The following CTNNA1 variants were observed in gnomAD, a reference collection of about 807,000 sequenced individuals.
CTNNA1 encodes the protein catenin alpha-1.
Under a neutral mutation model 98.4 loss-of-function variants are expected in CTNNA1, and 37 were observed. The observed-to-expected ratio is 0.38, with a 90% CI of 0.29 to 0.49. CTNNA1 has a LOEUF of 0.49. Ranked by LOEUF, CTNNA1 falls within the 20% of genes least tolerant of loss-of-function variation. The pLI is 0.95. For missense variants in CTNNA1, 761 were observed against 1,147.2 expected, an observed-to-expected ratio of 0.66 and a Z score of 4.86; for synonymous variants, 404 against 413.2, an observed-to-expected ratio of 0.98 and a Z score of 0.27.
rs1306523540 is a variant in CTNNA1, at chr5:138,782,169, A to G, written c.105+140A>G. 1.0e-5 allele frequency: 8 copies of G among 792,778 alleles called. No individual in the cohort carries two copies. In the East Asian group the frequency reaches 2.2e-4, roughly 22 times the overall value. 49.1% of individuals were successfully genotyped at this position (792,778 alleles called of 1,614,324 possible). On this transcript the variant is annotated intron_variant, in intron 2 of 17. Coordinates refer to ENST00000302763, the MANE Select transcript of CTNNA1 (RefSeq NM_001903.5). ...AGGTGACAGTTCTTAGATGATTTGA[A>G]TATTGATGCATGGGTTTAGTTAACC...
Position 138,783,235 on chromosome 5 carries a change from C to G in CTNNA1, c.164C>G (p.Ser55Cys), listed in dbSNP as rs756329640. Residue 55 changes from serine (S) to cysteine (C), a missense_variant, in exon 3 of 18, where the codon TCT becomes TGT. By Grantham distance (112) the Ser-to-Cys change is moderately radical. Coordinates refer to ENST00000302763, the MANE Select transcript of CTNNA1 (RefSeq NM_001903.5). The part of the protein sequence containing the change: ...KGPSNKKRGR[S>C]KKAHVLAASV... ...CCCTCTAATAAGAAGAGAGGTCGTTCTAAGAAGGCCCATGTTTTGGCTGCA... is the reference window on the plus strand; with the variant it reads ...CCCTCTAATAAGAAGAGAGGTCGTTGTAAGAAGGCCCATGTTTTGGCTGCA... 3 of 1,613,934 alleles carry G rather than the reference C, an allele frequency of 1.9e-6. No homozygotes were observed. Among genetic ancestry groups the G allele is most frequent in the African/African-American group, 1.3e-5 (1 of 74,914 alleles).
intron 7 of CTNNA1, among the ~76,000 whole-genome samples, chr5:138,846,587 T>C (rs1306873332): frequency 6.6e-6 from 1 of 152,234 alleles, no homozygotes. Context: ...GGCCTGTGTC[T>C]GTTATTGCCA....
chr5:138,820,541 C>T (rs1212359787), intron 5 of CTNNA1, among the ~76,000 whole-genome samples: 2 of 151,986 alleles, frequency 1.3e-5, no homozygotes, highest in Non-Finnish European at 1.5e-5. Context: ...CTTACCTCCT[C>T]GAAGTAGGGA....
intron 7 of CTNNA1, among the ~76,000 whole-genome samples, chr5:138,856,077 A>G (rs761993458): frequency 6.6e-6 from 1 of 152,158 alleles, no homozygotes; most frequent in African/African-American, 2.4e-5. Context: ...AACCCTCAAG[A>G]TGTCATTTCT....
intron 9 of CTNNA1, among the ~76,000 whole-genome samples, chr5:138,899,693 A>G (rs1172778816): frequency 6.6e-6 from 1 of 152,060 alleles, no homozygotes; most frequent in Non-Finnish European, 1.5e-5. Context: ...AAAACCCCCC[A>G]CCACCCACCA....
intron 9 of CTNNA1, among the ~76,000 whole-genome samples, chr5:138,900,518 C>T (rs1322511750): frequency 1.3e-5 from 2 of 152,182 alleles, no homozygotes; most frequent in East Asian, 1.9e-4. Flanking sequence ...AACTTGTGTT[C>T]GACTTCAGTA....
intron 7 of CTNNA1, chr5:138,875,455 A>G: frequency 2.0e-6 from 2 of 985,606 alleles, no homozygotes; most frequent in South Asian, 9.4e-5. Flanking sequence ...GCTTTGTAAC[A>G]GCATCGGGGT....
intron 10 of CTNNA1, among the ~76,000 whole-genome samples, chr5:138,905,629 A>G (rs12719515): frequency 0.35 from 53,002 of 152,124 alleles, 9,974 homozygotes; most frequent in African/African-American, 0.51. Flanking sequence ...TGGAAGACTG[A>G]TGATGAAGCT....
chr5:138,760,240 C>T (rs1406165886), intron 1 of CTNNA1, among the ~76,000 whole-genome samples: 2 of 150,702 alleles, frequency 1.3e-5, no homozygotes, highest in Non-Finnish European at 3.0e-5. Flanking sequence ...GTGATCCACC[C>T]GCCTCGGCCT....
At position 138,862,054 on chromosome 5, in the gene CTNNA1, G is replaced by A. The variant is rs558800705; in HGVS notation, c.1063-24158G>A. ...GTTGTTTTCTTGACTTGAAGAATCTGGGTCATAAGATCTGATAAGTTCTGA... is the reference window on the plus strand; with the variant it reads ...GTTGTTTTCTTGACTTGAAGAATCTAGGTCATAAGATCTGATAAGTTCTGA... On this transcript the variant is annotated intron_variant, in intron 7 of 17. Coordinates refer to ENST00000302763, the MANE Select transcript of CTNNA1 (RefSeq NM_001903.5). 5.9e-5 allele frequency among the ~76,000 whole-genome samples: 9 copies of A among 152,256 alleles called. No homozygotes were observed. The East Asian group carries it at 1.5e-3, about 26-fold the overall frequency.
At chr5:138,836,336 C>T (rs1761769609) in intron 7 of CTNNA1, among the ~76,000 whole-genome samples, 1 of 152,202 alleles carries the variant, frequency 6.6e-6, no homozygotes, top group African/African-American at 2.4e-5. Flanking sequence ...CCTCCAAGTT[C>T]ATCCATGTTG....
At position 138,858,673 on chromosome 5, in the gene CTNNA1, G is replaced by A. The variant is rs569523136; in HGVS notation, c.1063-27539G>A. On this transcript the variant is annotated intron_variant, in intron 7 of 17. Transcript: ENST00000302763. Reference sequence around the variant, plus strand: ...TGCAGTGGCATGATCTTGGCTCACTGCAACCTCCGCCTCCCGCATTCAAGC... The same window carrying A: ...TGCAGTGGCATGATCTTGGCTCACTACAACCTCCGCCTCCCGCATTCAAGC... Among the ~76,000 whole-genome samples, 12 of 136,178 alleles carry A rather than the reference G, an allele frequency of 8.8e-5. No homozygotes were observed. The South Asian group carries it at 2.7e-3, about 31-fold the overall frequency. The allele number at this position is 136,178 out of a possible 152,430, so 89.3% of individuals were successfully genotyped here.
chr5:138,897,721 G>C (rs1218406007), intron 9 of CTNNA1, among the ~76,000 whole-genome samples: 2 of 152,128 alleles, frequency 1.3e-5, no homozygotes, highest in Non-Finnish European at 2.9e-5. Flanking sequence ...TGTAAGTTCA[G>C]ACCCTTACTT....
intron 7 of CTNNA1, among the ~76,000 whole-genome samples, chr5:138,831,030 A>G (rs1243935245): frequency 6.6e-6 from 1 of 152,224 alleles, no homozygotes. Context: ...GAAATCACCT[A>G]CATTAATTAA....
chr5:138,887,557 T>G lies in CTNNA1; in HGVS notation c.1211T>G (p.Leu404Trp). 6.2e-7 allele frequency: 1 copy of G among 1,612,032 alleles called. No homozygotes were observed. The highest frequency in any genetic ancestry group is 8.5e-7 in the Non-Finnish European group (1 of 1,178,580). ...GAAACCAATGTTCCACTTTTGGTAT[T>G]GATTGAAGCTGCAAAGAATGGAAAT... is the stretch of plus-strand genomic sequence containing the variant. Reference protein sequence around the residue: ...FLETNVPLLVLIEAAKNGNEK... With the variant: ...FLETNVPLLVWIEAAKNGNEK... Residue 404 changes from leucine (L) to tryptophan (W), a missense_variant, in exon 9 of 18, where the codon TTG becomes TGG. Physicochemically the swap from Leu to Trp is moderately conservative, Grantham distance 61 (BLOSUM62 -2). Transcript: ENST00000302763.
At chr5:138,933,311 A>G (rs775934350) in intron 17 of CTNNA1, among the ~76,000 whole-genome samples, 2 of 152,070 alleles carry the variant, frequency 1.3e-5, no homozygotes, top group Non-Finnish European at 2.9e-5. Context: ...AGGGCAGGGG[A>G]AAGAAGAGGT....
In CTNNA1 at chr5:138,805,361, T is replaced by C. The variant is rs896013477; in HGVS notation, c.302-4677T>C. Among the ~76,000 whole-genome samples, 13 of 152,206 alleles carry C rather than the reference T, an allele frequency of 8.5e-5. 1 individual carries two copies. Among genetic ancestry groups the C allele is most frequent in the African/African-American group, 2.9e-4 (12 of 41,444 alleles). ...CTGTCTTCCAAAGTAGCTGCACCTT[T>C]TTACATTCCCAGCATTGGGGTATGA... is the stretch of plus-strand genomic sequence containing the variant. On this transcript the variant is annotated intron_variant, in intron 3 of 17. Transcript: ENST00000302763.
intron 7 of CTNNA1, among the ~76,000 whole-genome samples, chr5:138,829,191 A>C (rs971727476): frequency 7.2e-5 from 11 of 152,334 alleles, no homozygotes; most frequent in Non-Finnish European, 1.2e-4. Flanking sequence ...TTGTTAAATC[A>C]AATGGAAAAA....
chr5:138,899,130 C>T (rs537459912), intron 9 of CTNNA1, among the ~76,000 whole-genome samples: 10 of 152,088 alleles, frequency 6.6e-5, no homozygotes, highest in African/African-American at 1.7e-4. Context: ...TTGAGTATTG[C>T]GTTATTATGG....
Sources: gnomAD v4.1 joint callset for allele counts (sites outside exome capture counted in the v4.1 genomes callset) on GRCh38, gnomAD v4.1.1 for gene constraint, MANE v1.5 for transcripts, NCBI Gene and HGNC (gene_info 2026-07-23, HGNC 2026-07-21) for gene names.